ADAMTS6: variants seen among roughly 807,000 people sequenced by gnomAD.
ADAMTS6 encodes the protein A disintegrin and metalloproteinase with thrombospondin motifs 6.
Under a neutral mutation model 144.3 loss-of-function variants are expected in ADAMTS6, and 23 were observed. That is an observed-to-expected ratio of 0.16 (90% confidence interval 0.11 to 0.23). The LOEUF is 0.23. Ranked by LOEUF, ADAMTS6 falls within the 10% of genes least tolerant of loss-of-function variation. The pLI, the probability that ADAMTS6 is intolerant of heterozygous loss-of-function variation, is 1.00. For missense variants in ADAMTS6, 999 were observed against 1,379.6 expected (o/e 0.72, Z 4.37); for synonymous variants, 444 against 457.5 (o/e 0.97, Z 0.38).
intron 11 of ADAMTS6, among the ~76,000 whole-genome samples, chr5:65,281,039 A>T (rs893510211): frequency 2.0e-5 from 3 of 152,142 alleles, no homozygotes; most frequent in African/African-American, 7.2e-5. Flanking sequence ...AAAGAAAGGA[A>T]CTAATTTTTT....
chr5:65,225,240 TC>T (rs1423335590), intron 16 of ADAMTS6, among the ~76,000 whole-genome samples, 193 bp from the exon 17 acceptor site: 4 of 152,224 alleles, frequency 2.6e-5, no homozygotes, highest in African/African-American at 9.6e-5. Flanking sequence ...AATAACTTTT[TC>T]TTCAAGAAAA....
At chr5:65,368,866 C>T (rs1750555230) in intron 7 of ADAMTS6, among the ~76,000 whole-genome samples, 1 of 152,080 alleles carries the variant, frequency 6.6e-6, no homozygotes, top group Non-Finnish European at 1.5e-5. Context: ...ACCAGTCTGG[C>T]CAACATGGTG....
At chr5:65,192,207 TAA>T (rs1454058945) in intron 21 of ADAMTS6, among the ~76,000 whole-genome samples, 1 of 145,298 alleles carries the variant, frequency 6.9e-6, no homozygotes, top group African/African-American at 2.5e-5. Flanking sequence ...CTTCCCACCC[TAA>T]GTTTCCTTCA....
At chr5:65,402,457 C>T (rs987749831) in intron 7 of ADAMTS6, among the ~76,000 whole-genome samples, 3 of 152,084 alleles carry the variant, frequency 2.0e-5, no homozygotes, top group African/African-American at 7.2e-5. Flanking sequence ...GGACTTTCTC[C>T]TACTTTCATC....
intron 14 of ADAMTS6, among the ~76,000 whole-genome samples, chr5:65,248,085 C>T (rs958646003): frequency 6.6e-5 from 10 of 152,144 alleles, no homozygotes; most frequent in South Asian, 2.1e-4. Flanking sequence ...GTACCATATG[C>T]GCTAACAAAA....
intron 7 of ADAMTS6, among the ~76,000 whole-genome samples, chr5:65,351,629 C>T (rs1748852914): frequency 2.0e-5 from 3 of 151,950 alleles, no homozygotes; most frequent in African/African-American, 7.3e-5. Flanking sequence ...AGAAAATTAG[C>T]CAGGCACAGT....
chr5:65,392,328 C>T (rs1443571059), intron 7 of ADAMTS6, among the ~76,000 whole-genome samples: 2 of 152,094 alleles, frequency 1.3e-5, no homozygotes, highest in African/African-American at 4.8e-5. Context: ...TCATCAAAAT[C>T]CTCCCCCAAA....
chr5:65,277,379 A>G (rs554474815), intron 11 of ADAMTS6, among the ~76,000 whole-genome samples: 2 of 152,302 alleles, frequency 1.3e-5, no homozygotes, highest in South Asian at 2.1e-4. Context: ...GTATTGCTCT[A>G]TGATAAAGTT....
intron 9 of ADAMTS6, among the ~76,000 whole-genome samples, chr5:65,302,311 A>G (rs1318460881): frequency 1.4e-5 from 2 of 144,916 alleles, no homozygotes; most frequent in Admixed American, 7.1e-5. Flanking sequence ...TATAATTATT[A>G]TATACATATA....
intron 7 of ADAMTS6, among the ~76,000 whole-genome samples, chr5:65,402,617 A>G (rs1263782783): frequency 2.0e-5 from 3 of 152,056 alleles, no homozygotes; most frequent in Non-Finnish European, 4.4e-5. Flanking sequence ...AAATCTGACC[A>G]ATTATATTTT....
intron 9 of ADAMTS6, among the ~76,000 whole-genome samples, chr5:65,311,005 GA>G (rs1000492036): frequency 6.2e-5 from 9 of 146,050 alleles, no homozygotes; most frequent in Non-Finnish European, 1.1e-4. Context: ...AGAGAAAAGT[GA>G]AAAAAAAAAG....
At chr5:65,159,693 C>G (rs147940850) in intron 24 of ADAMTS6, among the ~76,000 whole-genome samples, 1 of 152,298 alleles carries the variant, frequency 6.6e-6, no homozygotes, top group East Asian at 1.9e-4. Context: ...TTGTATGTTG[C>G]CAATCCTACT....
intron 20 of ADAMTS6, among the ~76,000 whole-genome samples, chr5:65,200,302 G>A (rs1343020748): frequency 2.6e-5 from 4 of 152,100 alleles, no homozygotes; most frequent in African/African-American, 4.8e-5. Flanking sequence ...TAAGGAAAAT[G>A]CAGCTTTTAA....
intron 8 of ADAMTS6, 36 bp downstream of exon 8, chr5:65,333,997 TAAAAAAAAA>T (rs750637450): frequency 0.04 from 34,013 of 839,852 alleles, 108 homozygotes; most frequent in Non-Finnish European, 0.044. Context: ...CTACCTTTAT[TAAAAAAAAA>T]AAAAAAAAAA....
At chr5:65,416,024 C>A in intron 7 of ADAMTS6, 1 of 184,508 alleles carries the variant, frequency 5.4e-6, no homozygotes, top group East Asian at 1.5e-4. Context: ...CAGCCAGGGG[C>A]TGCATGGCCA....
chr5:65,262,070 G>A (rs757986646), intron 13 of ADAMTS6, among the ~76,000 whole-genome samples: 9 of 152,168 alleles, frequency 5.9e-5, no homozygotes, highest in Non-Finnish European at 1.2e-4. Flanking sequence ...CCAAAGAACA[G>A]TTTAGTCTCA....
intron 7 of ADAMTS6, among the ~76,000 whole-genome samples, chr5:65,409,434 C>T (rs1754862754): frequency 6.6e-6 from 1 of 152,104 alleles, no homozygotes; most frequent in Admixed American, 6.6e-5. Context: ...TACACCCTCC[C>T]AAGACTAAAT....
chr5:65,437,219 C>T (rs772390785), intron 7 of ADAMTS6, among the ~76,000 whole-genome samples: 7 of 151,862 alleles, frequency 4.6e-5, no homozygotes, highest in Non-Finnish European at 8.8e-5. Flanking sequence ...CTCAGCCTCC[C>T]GAGTAGCTGG....
intron 7 of ADAMTS6, among the ~76,000 whole-genome samples, chr5:65,398,821 A>AAAGG (rs1561501698): frequency 2.2e-5 from 3 of 138,150 alleles, no homozygotes; most frequent in African/African-American, 1.0e-4. Flanking sequence ...AGAAAGAAAG[A>AAAGG]AAGAAAGAAA....
Sources: allele counts gnomAD v4.1 joint callset (sites outside exome capture counted in the v4.1 genomes callset), GRCh38; gene constraint gnomAD v4.1.1; transcripts MANE v1.5; gene names NCBI Gene and HGNC (gene_info 2026-07-23, HGNC 2026-07-21).